Variants in RASAL2 observed in about 807,000 individuals in gnomAD.
RASAL2 encodes ras GTPase-activating protein nGAP.
Under a neutral mutation model 128.9 loss-of-function variants are expected in RASAL2, and 58 were observed. That is an observed-to-expected ratio of 0.45 (90% confidence interval 0.36 to 0.56). The LOEUF (loss-of-function observed/expected upper bound fraction) is 0.56. Ranked by LOEUF, RASAL2 falls within the 20% of genes least tolerant of loss-of-function variation. The pLI is 0.00. For missense variants in RASAL2, 1,360 were observed against 1,601.6 expected (o/e 0.85, Z 2.57); for synonymous variants, 561 against 580.8 (o/e 0.97, Z 0.49).
At chr1:178,289,092 C>T (rs1440055402) in intron 2 of RASAL2, among the ~76,000 whole-genome samples, 3 of 152,180 alleles carry the variant, frequency 2.0e-5, no homozygotes, top group Non-Finnish European at 2.9e-5. Context: ...TCCTTTAAAT[C>T]TATTTCAGCC....
chr1:178,312,184 C>G (rs1668288001), intron 3 of RASAL2, among the ~76,000 whole-genome samples: 1 of 152,092 alleles, frequency 6.6e-6, no homozygotes, highest in South Asian at 2.1e-4. Context: ...TTTCCCACCA[C>G]TGAAAGATAT....
At chr1:178,221,000 C>G (rs1000117115) in intron 1 of RASAL2, among the ~76,000 whole-genome samples, 3 of 152,176 alleles carry the variant, frequency 2.0e-5, no homozygotes, top group African/African-American at 7.2e-5. Context: ...ACTGCCAAAT[C>G]GTCTTTTAAA....
At chr1:178,333,652 A>C (rs1669451589) in intron 3 of RASAL2, among the ~76,000 whole-genome samples, 1 of 152,206 alleles carries the variant, frequency 6.6e-6, no homozygotes, top group Non-Finnish European at 1.5e-5. Flanking sequence ...CCATATGCTG[A>C]GTTTACTTTA....
In RASAL2 at chr1:178,458,040, C is replaced by G; in HGVS notation, c.2748C>G (p.Gly916=). 1 of 1,614,166 alleles carries G rather than the reference C, an allele frequency of 6.2e-7. No individual in the cohort carries two copies. The highest frequency in any genetic ancestry group is 1.1e-5 in the South Asian group (1 of 91,082). Residue 916 remains glycine (G), a synonymous_variant, in exon 14 of 18, where the codon GGC becomes GGG. Coordinates refer to ENST00000367649, the MANE Select transcript of RASAL2 (RefSeq NM_170692.4). Reference sequence around the variant, plus strand: ...ACCCAGCCTTGAACCAGCCAGGTGGCCTTCAGCCCTTGTCGTTCCAGAACC... The same window carrying G: ...ACCCAGCCTTGAACCAGCCAGGTGGGCTTCAGCCCTTGTCGTTCCAGAACC... ...PLHPALNQPG[G]LQPLSFQNPV... is the part of the protein sequence containing the mutation.
At chr1:178,100,042 A>G (rs1658835015) in intron 1 of RASAL2, among the ~76,000 whole-genome samples, 1 of 152,148 alleles carries the variant, frequency 6.6e-6, no homozygotes, top group Non-Finnish European at 1.5e-5. Context: ...ACTGCCAGAA[A>G]AGTTGCATAC....
At chr1:178,106,989 TTC>T (rs1463965014) in intron 1 of RASAL2, among the ~76,000 whole-genome samples, 1 of 152,214 alleles carries the variant, frequency 6.6e-6, no homozygotes, top group East Asian at 1.9e-4. Flanking sequence ...AGTAATATTA[TTC>T]TGTTTACCTG....
intron 1 of RASAL2, among the ~76,000 whole-genome samples, chr1:178,154,757 G>T (rs909351951): frequency 6.6e-6 from 1 of 152,098 alleles, no homozygotes; most frequent in Non-Finnish European, 1.5e-5. Flanking sequence ...CTATCAGGGG[G>T]CACATAGTGT....
At chr1:178,408,112 A>G (rs1358398343) in intron 4 of RASAL2, among the ~76,000 whole-genome samples, 4 of 152,232 alleles carry the variant, frequency 2.6e-5, no homozygotes, top group Non-Finnish European at 5.9e-5. Context: ...TGCTATGACA[A>G]TGTACCTTTT....
intron 1 of RASAL2, among the ~76,000 whole-genome samples, chr1:178,094,899 C>A (rs1204241743): frequency 1.3e-5 from 2 of 152,150 alleles, no homozygotes; most frequent in Non-Finnish European, 2.9e-5. Flanking sequence ...GTCTTTGGAC[C>A]TCTTCAGACA....
At chr1:178,209,339 A>G (rs1663172892) in intron 1 of RASAL2, among the ~76,000 whole-genome samples, 1 of 151,966 alleles carries the variant, frequency 6.6e-6, no homozygotes, top group African/African-American at 2.4e-5. Context: ...ATTAATTTTC[A>G]TTTTGCTGAG....
chr1:178,423,105 C>T (rs1557977343), intron 5 of RASAL2, among the ~76,000 whole-genome samples: 1 of 152,090 alleles, frequency 6.6e-6, no homozygotes, highest in African/African-American at 2.4e-5. Context: ...ATATTTTGTA[C>T]TCTCCCTGTG....
At chr1:178,150,931 T>C (rs1660892478) in intron 1 of RASAL2, among the ~76,000 whole-genome samples, 1 of 152,148 alleles carries the variant, frequency 6.6e-6, no homozygotes, top group Non-Finnish European at 1.5e-5. Context: ...TCTTTTGTGC[T>C]TTTTCTTGGT....
At chr1:178,353,586 A>C (rs1670636887) in intron 3 of RASAL2, among the ~76,000 whole-genome samples, 1 of 151,730 alleles carries the variant, frequency 6.6e-6, no homozygotes, top group Non-Finnish European at 1.5e-5. Flanking sequence ...AACCCTCCAC[A>C]CTCTTCCAGC....
At chr1:178,192,307 G>C (rs1236672541) in intron 1 of RASAL2, among the ~76,000 whole-genome samples, 1 of 151,928 alleles carries the variant, frequency 6.6e-6, no homozygotes, top group Non-Finnish European at 1.5e-5. Flanking sequence ...ACTCTGTTAG[G>C]CACCTTGGAG....
intron 3 of RASAL2, among the ~76,000 whole-genome samples, chr1:178,317,719 T>G (rs1046633717): frequency 6.5e-4 from 97 of 148,306 alleles, no homozygotes; most frequent in African/African-American, 2.2e-3. Flanking sequence ...GTCTATCAAT[T>G]TTGTTGATCC....
chr1:178,351,659 G>T (rs1434834021), intron 3 of RASAL2, among the ~76,000 whole-genome samples: 1 of 151,214 alleles, frequency 6.6e-6, no homozygotes. Context: ...AACCCGTGAG[G>T]CAGAGCTTGC....
intron 15 of RASAL2, among the ~76,000 whole-genome samples, chr1:178,464,831 G>GTTTTTTTTTTGTTT (rs1647492004): frequency 2.6e-5 from 1 of 38,190 alleles, no homozygotes; most frequent in African/African-American, 1.2e-4. Context: ...GGTTTTAGTT[G>GTTTTTTTTTTGTTT]TTTTTTTTTT....
intron 1 of RASAL2, among the ~76,000 whole-genome samples, chr1:178,141,204 T>C (rs1020238879): frequency 6.0e-5 from 8 of 132,938 alleles, no homozygotes; most frequent in Non-Finnish European, 1.3e-4. Context: ...TTTTTTTTTT[T>C]TTTTTTTTTT....
At chr1:178,426,072 A>G (rs1675494575) in intron 5 of RASAL2, among the ~76,000 whole-genome samples, 1 of 152,190 alleles carries the variant, frequency 6.6e-6, no homozygotes, top group Non-Finnish European at 1.5e-5. Context: ...CTGGAGAAAC[A>G]GACCTACAGA....
Sources: allele counts gnomAD v4.1 joint callset (sites outside exome capture counted in the v4.1 genomes callset), GRCh38; gene constraint gnomAD v4.1.1; transcripts MANE v1.5; gene names NCBI Gene and HGNC (gene_info 2026-07-23, HGNC 2026-07-21).